Variants in IQGAP1 observed in about 807,000 individuals in gnomAD.
The protein encoded by IQGAP1 is ras GTPase-activating-like protein IQGAP1.
A neutral mutation model predicts 215.6 loss-of-function variants in IQGAP1; 66 were observed. That is an observed-to-expected ratio of 0.31 (90% CI 0.25 to 0.38). The LOEUF is 0.38. IQGAP1 is among the 10% of genes least tolerant of loss of function. IQGAP1 has a pLI of 1.00. For missense variants in IQGAP1, 1,712 were observed against 1,997.1 expected, an observed-to-expected ratio of 0.86 and a Z score of 2.72; for synonymous variants, 772 against 728.7, an observed-to-expected ratio of 1.06 and a Z score of -0.96.
intron 14 of IQGAP1, among the ~76,000 whole-genome samples, chr15:90,455,270 A>G (rs1247601263): frequency 6.6e-6 from 1 of 152,066 alleles, no homozygotes; most frequent in African/African-American, 2.4e-5. Context: ...ATTAAACTCA[A>G]TTTTCATTTG....
chr15:90,449,611 C>T lies in IQGAP1; in HGVS notation c.1130C>T (p.Ala377Val), dbSNP rs774010358. Reference protein sequence around the residue: ...QKEELQSGVDAANSAAQQYQR... With the variant: ...QKEELQSGVDVANSAAQQYQR... ...GAGGAGCTGCAGTCTGGAGTGGATG[C>T]TGCAAACAGTGCTGCCCAGCAATAT... Residue 377 changes from alanine (A) to valine (V), a missense_variant, in exon 11 of 38, where the codon GCT becomes GTT. By Grantham distance (64) the Ala-to-Val change is moderately conservative. This residue lies in a region of IQGAP1 where 1,021 missense variants were observed against 1,074.2 expected (regional missense o/e 0.95). Transcript: ENST00000268182. 1 of 1,612,882 alleles carries T rather than the reference C, an allele frequency of 6.2e-7. No homozygotes were observed. The highest frequency in any genetic ancestry group is 1.3e-5 in the African/African-American group (1 of 75,020).
chr15:90,485,940 C>A, intron 30 of IQGAP1, 90 bp from the exon 31 acceptor site: 1 of 917,660 alleles, frequency 1.1e-6, no homozygotes, highest in Non-Finnish European at 1.7e-6. Context: ...TTTGTTGGAA[C>A]CTCTTTGTGC....
intron 5 of IQGAP1, among the ~76,000 whole-genome samples, chr15:90,434,694 G>T (rs1248578410): frequency 6.6e-6 from 1 of 152,126 alleles, no homozygotes; most frequent in Non-Finnish European, 1.5e-5. Context: ...GGGACCAGAA[G>T]TGTTTTGGAT....
rs1359438114 is a variant in IQGAP1 at position 90,474,669 on chromosome 15, A to C, written c.2760A>C (p.Leu920=). ...TCATGGATATCAAAATTGGACTGCT[A>C]GTGAAAAATAAGATTACGTTGCAGG... The part of the protein sequence containing the change: ...LNLMDIKIGL[L]VKNKITLQDV... Residue 920 remains leucine (L), a synonymous_variant, in exon 23 of 38, where the codon CTA becomes CTC. Transcript: ENST00000268182. The C allele has an allele frequency of 6.2e-7, 1 of 1,613,792 alleles. No individual in the cohort carries two copies. Among genetic ancestry groups the C allele is most frequent in the Non-Finnish European group, 8.5e-7 (1 of 1,179,790 alleles).
In IQGAP1 at chr15:90,497,213, C is replaced by T. The variant is rs770802726; in HGVS notation, c.4752-19C>T. 12 of 1,255,242 alleles carry T rather than the reference C, an allele frequency of 9.6e-6. No homozygotes were observed. The highest frequency in any genetic ancestry group is 7.0e-5 in the Admixed American group (4 of 57,208). 77.8% of individuals were successfully genotyped at this position (1,255,242 alleles called of 1,614,324 possible). ...TGAGAATATAAAAACCATACCCTTA[C>T]GATGTTATCTTTCAACAGGTTTAAA... On this transcript the variant is annotated intron_variant, in intron 36 of 37. Coordinates refer to ENST00000268182, the MANE Select transcript of IQGAP1 (RefSeq NM_003870.4).
intron 15 of IQGAP1, among the ~76,000 whole-genome samples, chr15:90,457,807 T>A (rs1404152358): frequency 6.6e-6 from 1 of 152,124 alleles, no homozygotes; most frequent in Non-Finnish European, 1.5e-5. Context: ...TTCTGTTAGG[T>A]ATACATTTTG....
intron 15 of IQGAP1, among the ~76,000 whole-genome samples, chr15:90,456,615 T>C (rs1965683921): frequency 6.6e-6 from 1 of 151,888 alleles, no homozygotes; most frequent in African/African-American, 2.4e-5. Flanking sequence ...GCTCACGCCT[T>C]GTAATCCCAC....
chr15:90,419,752 T>C (rs1965106784), intron 2 of IQGAP1, among the ~76,000 whole-genome samples: 1 of 152,164 alleles, frequency 6.6e-6, no homozygotes, highest in African/African-American at 2.4e-5. Context: ...TCTCTGTTGA[T>C]TGAAAAAGCA....
chr15:90,445,138 A>T (rs1283071697), intron 9 of IQGAP1, among the ~76,000 whole-genome samples: 6 of 150,608 alleles, frequency 4.0e-5, no homozygotes, highest in South Asian at 4.2e-4. Context: ...TTAATTAATT[A>T]ATTTTTTTTT....
chr15:90,497,258 G>C lies in IQGAP1; in HGVS notation c.4778G>C (p.Ser1593Thr). Residue 1593 changes from serine (S) to threonine (T), a missense_variant, in exon 37 of 38, where the codon AGT becomes ACT. Transcript: ENST00000268182. ...NQFKNVIFEI[S>T]PTEEVGDFEV... ...TTTAAAAATGTTATATTTGAAATCA[G>C]TCCAACAGAAGAAGTTGGAGACTTC... The C allele has an allele frequency of 6.2e-7, 1 of 1,600,502 alleles. No homozygotes were observed. Among genetic ancestry groups the C allele is most frequent in the African/African-American group, 1.3e-5 (1 of 74,756 alleles).
intron 4 of IQGAP1, among the ~76,000 whole-genome samples, chr15:90,430,195 G>A (rs2151015362): frequency 6.6e-6 from 1 of 152,206 alleles, no homozygotes; most frequent in African/African-American, 2.4e-5. Flanking sequence ...TGGGTGTTCT[G>A]CTCAGGAGTT....
chr15:90,482,516 T>C (rs1966073380), intron 28 of IQGAP1, among the ~76,000 whole-genome samples: 1 of 152,212 alleles, frequency 6.6e-6, no homozygotes. Flanking sequence ...TTTCCTGTTT[T>C]CAGATGAGTT....
intron 1 of IQGAP1, 124 bp from the exon 2 acceptor site, chr15:90,390,650 G>T: frequency 1.6e-6 from 1 of 642,662 alleles, no homozygotes; most frequent in Non-Finnish European, 2.8e-6. Context: ...CACCTGGCTG[G>T]CTACACACTC....
At chr15:90,459,219 G>A (rs1965728548) in intron 15 of IQGAP1, among the ~76,000 whole-genome samples, 2 of 152,126 alleles carry the variant, frequency 1.3e-5, no homozygotes, top group Non-Finnish European at 2.9e-5. Flanking sequence ...TGTTAATTAT[G>A]CTTTAATCAA....
chr15:90,489,527 C>G (rs1049550568), intron 33 of IQGAP1, among the ~76,000 whole-genome samples: 1 of 152,128 alleles, frequency 6.6e-6, no homozygotes, highest in African/African-American at 2.4e-5. Context: ...GACAACTTAG[C>G]TAAAAGCCCA....
At chr15:90,476,518 G>C in intron 23 of IQGAP1, 145 bp from the exon 24 acceptor site, 1 of 514,238 alleles carries the variant, frequency 1.9e-6, no homozygotes, top group East Asian at 3.2e-5. Flanking sequence ...ACAGGATAAA[G>C]TGTAGTGGTT....
chr15:90,477,039 A>T, intron 24 of IQGAP1, 28 bp from the exon 25 acceptor site: 4 of 1,608,574 alleles, frequency 2.5e-6, no homozygotes, highest in Non-Finnish European at 3.4e-6. Flanking sequence ...ATTACCTACA[A>T]ATGACTTATC....
chr15:90,439,561 T>A (rs910695910), intron 6 of IQGAP1, among the ~76,000 whole-genome samples, 162 bp downstream of exon 6: 2 of 152,226 alleles, frequency 1.3e-5, no homozygotes, highest in Non-Finnish European at 2.9e-5. Flanking sequence ...TAAAGAACAC[T>A]AAACTTGAAA....
intron 3 of IQGAP1, among the ~76,000 whole-genome samples, chr15:90,428,056 T>G (rs1316618204): frequency 2.0e-5 from 3 of 152,126 alleles, no homozygotes; most frequent in African/African-American, 7.2e-5. Context: ...AGTGGGTTTT[T>G]TTTGTTGTTG....
Sources: allele counts gnomAD v4.1 joint callset (sites outside exome capture counted in the v4.1 genomes callset), GRCh38; gene constraint gnomAD v4.1.1; regional missense constraint gnomAD v4.1.1; transcripts MANE v1.5; gene names NCBI Gene and HGNC (gene_info 2026-07-23, HGNC 2026-07-21).